The following NRL variants were observed in gnomAD, a reference collection of about 807,000 sequenced individuals.
The protein encoded by NRL is neural retina leucine zipper.
A neutral mutation model predicts 12.5 loss-of-function variants in NRL; 16 were observed. That is an observed-to-expected ratio of 1.28 (90% CI 0.87 to 1.95). NRL has a LOEUF of 1.95. Among genes scored for constraint, NRL ranks in the 30% most tolerant of loss-of-function variants. NRL has a pLI of 0.00. For synonymous variants in NRL, 142 were observed against 150.9 expected (o/e 0.94, Z 0.43); for missense variants, 314 against 325.8 (o/e 0.96, Z 0.28).
intron 1 of NRL, among the ~76,000 whole-genome samples, chr14:24,108,498 ATT>A (rs751345042): frequency 1.1e-4 from 15 of 140,278 alleles, no homozygotes; most frequent in Admixed American, 1.4e-4. Flanking sequence ...CACCTGGCTA[ATT>A]TTTTTTTTTT....
chr14:24,099,270 G>A (rs767344259), intron 1 of NRL: 3 of 1,570,702 alleles, frequency 1.9e-6, no homozygotes, highest in Non-Finnish European at 2.6e-6. Flanking sequence ...GCAGCTGCCG[G>A]GGACAGGGCA....
At chr14:24,093,131 T>C (rs1239119625) in intron 1 of NRL, 2 of 152,250 alleles carry the variant, frequency 1.3e-5, no homozygotes, top group African/African-American at 4.8e-5. Flanking sequence ...CAGACCCACA[T>C]GACAATACAG....
rs1316065313 is a variant in NRL at position 24,082,684 on chromosome 14, T to C, written c.165A>G (p.Glu55=). The change falls in exon 2 of 3, where the codon GAA becomes GAG. Residue 55 remains glutamate, a synonymous_variant. Coordinates refer to ENST00000561028, the MANE Select transcript of NRL (RefSeq NM_001354768.3). Reference sequence around the variant, plus strand: ...CCTCGGTTGCCCCCACCATGCCTGGTTCACTGAAGGTGGGTGAAGGAGGCA... The same window carrying C: ...CCTCGGTTGCCCCCACCATGCCTGGCTCACTGAAGGTGGGTGAAGGAGGCA... ...SSVPPSPTFS[E]PGMVGATEGT... 6 of 1,613,972 alleles carry C rather than the reference T, an allele frequency of 3.7e-6. No homozygotes were observed. The highest frequency in any genetic ancestry group is 5.1e-6 in the Non-Finnish European group (6 of 1,180,018).
intron 1 of NRL, chr14:24,099,710 T>C: frequency 1.9e-6 from 3 of 1,613,696 alleles, no homozygotes; most frequent in East Asian, 2.2e-5. Context: ...GGATGAGGTT[T>C]GACAGTGAAG....
In NRL at chr14:24,089,888, T is replaced by C. The variant is rs1180133180; in HGVS notation, c.-27-7013A>G. Among the ~76,000 whole-genome samples, 5 of 152,076 alleles carry C rather than the reference T, an allele frequency of 3.3e-5. No homozygotes were observed. In the East Asian group the frequency reaches 5.8e-4, roughly 18 times the overall value. On this transcript the variant is annotated intron_variant, in intron 1 of 2. Transcript: ENST00000561028. Reference sequence around the variant, plus strand: ...CAAAGGTTGTGAGGCAGGAAAGATGTAGACATGTTCACAAAACTGAGAAAA... The same window carrying C: ...CAAAGGTTGTGAGGCAGGAAAGATGCAGACATGTTCACAAAACTGAGAAAA...
At chr14:24,111,582 G>A (rs1027613086) in intron 1 of NRL, among the ~76,000 whole-genome samples, 1 of 151,806 alleles carries the variant, frequency 6.6e-6, no homozygotes, top group Admixed American at 6.6e-5. Context: ...GGCCAGGCTG[G>A]TCTCGAACTC....
chr14:24,095,008 G>A, intron 1 of NRL: 1 of 489,908 alleles, frequency 2.0e-6, no homozygotes, highest in Non-Finnish European at 3.7e-6. Context: ...CAAGGTGGGA[G>A]GAGGGCGCCA....
chr14:24,106,728 A>G (rs2037344437), intron 1 of NRL, among the ~76,000 whole-genome samples: 1 of 145,154 alleles, frequency 6.9e-6, no homozygotes, highest in South Asian at 2.1e-4. Flanking sequence ...CTCAAAAAAA[A>G]AATAAATAAA....
In NRL at chr14:24,079,173, G is replaced by A. The variant is rs1039888400; in HGVS notation, c.*2063C>T. ...CCCAGGAGTATCATTTTGAGACCCAGGTATGGTACTGTATATGTGGCCTAG... is the reference window on the plus strand; with the variant it reads ...CCCAGGAGTATCATTTTGAGACCCAAGTATGGTACTGTATATGTGGCCTAG... On this transcript the variant is annotated 3_prime_UTR_variant, in exon 3 of 3. Coordinates refer to ENST00000561028, the MANE Select transcript of NRL (RefSeq NM_001354768.3). Among the ~76,000 whole-genome samples the A allele has an allele frequency of 1.3e-5, 2 of 152,110 alleles. No homozygotes were observed. The highest frequency in any genetic ancestry group is 4.8e-5 in the African/African-American group (2 of 41,418).
Position 24,086,638 on chromosome 14 carries a change from G to A in NRL, c.-27-3763C>T, listed in dbSNP as rs138667571. 6.3e-3 allele frequency among the ~76,000 whole-genome samples: 955 copies of A among 152,350 alleles called. 12 individuals are homozygous for A. Among genetic ancestry groups the A allele is most frequent in the African/African-American group, 0.021 (893 of 41,576 alleles). On this transcript the variant is annotated intron_variant, in intron 1 of 2. Transcript: ENST00000561028. ...CAATTTCCCTGGTTGAAGAAGGAATGGGAAGTGTTGAGTGCAGCCCCTTTT... is the reference window on the plus strand; with the variant it reads ...CAATTTCCCTGGTTGAAGAAGGAATAGGAAGTGTTGAGTGCAGCCCCTTTT...
At chr14:24,101,087 T>A (rs902991521) in intron 1 of NRL, among the ~76,000 whole-genome samples, 2 of 152,126 alleles carry the variant, frequency 1.3e-5, no homozygotes, top group African/African-American at 4.8e-5. Context: ...CTTCATCTAA[T>A]CACCCTTTAT....
At chr14:24,098,453 C>G (rs1426629611) in intron 1 of NRL, 1 of 1,613,570 alleles carries the variant, frequency 6.2e-7, no homozygotes, top group Non-Finnish European at 8.5e-7. Context: ...ACCCTTCATC[C>G]AGGGGATGCC....
chr14:24,114,641 C>G, intron 1 of NRL, 81 bp downstream of exon 1: 6 of 977,864 alleles, frequency 6.1e-6, no homozygotes, highest in Non-Finnish European at 7.3e-6. Context: ...CCCACTTACT[C>G]CTCCCCAGCA....
At chr14:24,087,835 G>C (rs1200355104) in intron 1 of NRL, among the ~76,000 whole-genome samples, 2 of 152,146 alleles carry the variant, frequency 1.3e-5, no homozygotes, top group Non-Finnish European at 2.9e-5. Flanking sequence ...CTAGCACTTT[G>C]GAAGGCCAAG....
At chr14:24,083,872 A>C (rs1401058244) in intron 1 of NRL, among the ~76,000 whole-genome samples, 1 of 152,210 alleles carries the variant, frequency 6.6e-6, no homozygotes, top group African/African-American at 2.4e-5. Flanking sequence ...TCCTAAACTT[A>C]TGTCACCAAG....
chr14:24,111,534 C>T (rs1367707407), intron 1 of NRL, among the ~76,000 whole-genome samples: 3 of 144,276 alleles, frequency 2.1e-5, no homozygotes, highest in East Asian at 2.1e-4. Context: ...CCACCACACT[C>T]GGCTTTTTTT....
At chr14:24,111,128 G>A (rs749477834) in intron 1 of NRL, among the ~76,000 whole-genome samples, 4 of 152,144 alleles carry the variant, frequency 2.6e-5, no homozygotes, top group South Asian at 2.1e-4. Context: ...CCATAGGCAC[G>A]CGCCACGATG....
chr14:24,104,649 A>C (rs926441318), intron 1 of NRL, among the ~76,000 whole-genome samples: 2 of 143,354 alleles, frequency 1.4e-5, no homozygotes, highest in East Asian at 2.0e-4. Flanking sequence ...ACAAAAAAAA[A>C]AAACAAAACA....
rs891908702 is a variant in NRL at position 24,088,218 on chromosome 14, C to T, written c.-27-5343G>A. ...CCACACTCCAGATAGCTAAGCATTC[C>T]CTGTCCAAAAGGCCCAAGCCCACTC... On this transcript the variant is annotated intron_variant, in intron 1 of 2. Coordinates refer to ENST00000561028, the MANE Select transcript of NRL (RefSeq NM_001354768.3). Among the ~76,000 whole-genome samples the T allele has an allele frequency of 2.0e-4, 31 of 152,356 alleles. 1 individual carries two copies. Among genetic ancestry groups the T allele is most frequent in the African/African-American group, 6.3e-4 (26 of 41,588 alleles).
Sources: gnomAD v4.1 joint callset for allele counts (sites outside exome capture counted in the v4.1 genomes callset) on GRCh38, gnomAD v4.1.1 for gene constraint, MANE v1.5 for transcripts, NCBI Gene and HGNC (gene_info 2026-07-23, HGNC 2026-07-21) for gene names.